ZNF180: variants seen among roughly 807,000 people sequenced by gnomAD.
ZNF180 encodes the protein zinc finger protein 180.
A neutral mutation model predicts 11.8 loss-of-function variants in ZNF180; 11 were observed. That is an observed-to-expected ratio of 0.93 (90% CI 0.59 to 1.55). ZNF180 has a LOEUF of 1.55. Among genes scored for constraint, ZNF180 ranks in the 40% most tolerant of loss-of-function variants. The probability of loss-of-function intolerance (pLI) is 0.00; values close to 1 mark genes in which losing one functional copy is unlikely to be tolerated. For missense variants in ZNF180, 773 were observed against 781.7 expected (o/e 0.99, Z 0.13); for synonymous variants, 287 against 257.7 (o/e 1.11, Z -1.09).
intron 2 of ZNF180, chr19:44,484,736 C>T (rs1448845625): frequency 4.7e-6 from 2 of 426,236 alleles, no homozygotes; most frequent in Non-Finnish European, 8.6e-6. Context: ...CTAAGGAGCA[C>T]TAAGACGCTA....
chr19:44,488,063 TTG>T (rs1970279364), intron 2 of ZNF180, among the ~76,000 whole-genome samples: 7 of 114,504 alleles, frequency 6.1e-5, no homozygotes, highest in African/African-American at 2.2e-4. Context: ...GCCCTCGCCC[TTG>T]CCCTCTCCCT....
Position 44,476,402 on chromosome 19 carries a change from C to T in ZNF180, c.1998G>A (p.Ter666=), listed in dbSNP as rs1172248904. Residue 666 remains the stop codon, a stop_retained_variant, in exon 5 of 5, where the codon TAG becomes TAA. Transcript: ENST00000592529. Reference sequence around the variant, plus strand: ...GAAGAAATCCCAGCTGATTTACAAACTAGTTACATTCATAGAGTTTCTCTT... The same window carrying T: ...GAAGAAATCCCAGCTGATTTACAAATTAGTTACATTCATAGAGTTTCTCTT... ...HTEEKLYECN[*] 6.5e-7 allele frequency: 1 copy of T among 1,548,150 alleles called. No individual in the cohort carries two copies. Among genetic ancestry groups the T allele is most frequent in the African/African-American group, 1.4e-5 (1 of 72,146 alleles).
At chr19:44,496,865 A>G (rs1444364518) in intron 2 of ZNF180, among the ~76,000 whole-genome samples, 2 of 152,186 alleles carry the variant, frequency 1.3e-5, no homozygotes, top group African/African-American at 4.8e-5. Context: ...TTTACTTAAC[A>G]TAGGTAATAA....
At chr19:44,497,263 A>C in intron 2 of ZNF180, 21 bp downstream of exon 2, 1 of 1,547,432 alleles carries the variant, frequency 6.5e-7, no homozygotes, top group African/African-American at 1.4e-5. Context: ...AGACAGACCC[A>C]AGCTCTGGGT....
In ZNF180 at chr19:44,495,753, G is replaced by A. The variant is rs2571113; in HGVS notation, c.51+1531C>T. 0.29 allele frequency among the ~76,000 whole-genome samples: 44,754 copies of A among 151,820 alleles called. 7,800 individuals carry two copies. Among genetic ancestry groups the A allele is most frequent in the South Asian group, 0.4 (1,928 of 4,816 alleles). ...ATTGGGCTGCACCACGTGCACAAGC[G>A]ACTTCTTCATTCCACTTGGGCTCTG... On this transcript the variant is annotated intron_variant, in intron 2 of 4. Coordinates refer to ENST00000592529, the MANE Select transcript of ZNF180 (RefSeq NM_001278509.3). This position sits in a 1 kb window ranked among gnomAD's most constrained non-coding sequence, Gnocchi z 4.5.
chr19:44,476,890 T>G lies in ZNF180; in HGVS notation c.1510A>C (p.Ser504Arg). ...TGTGCAACAAGCTGAGAGCTCCAGCTGAAGGATTTCCCACACTGATTACAT... is the reference window on the plus strand; with the variant it reads ...TGTGCAACAAGCTGAGAGCTCCAGCGGAAGGATTTCCCACACTGATTACAT... ...FECNQCGKSF[S>R]WSSQLVAHQR... Residue 504 changes from serine to arginine, a missense_variant, in exon 5 of 5, where the codon AGC (serine) becomes CGC (arginine). Transcript: ENST00000592529. The G allele has an allele frequency of 6.2e-7, 1 of 1,614,224 alleles. No homozygotes were observed. Among genetic ancestry groups the G allele is most frequent in the Admixed American group, 1.7e-5 (1 of 60,030 alleles).
At position 44,484,411 on chromosome 19, in the gene ZNF180, T is replaced by C. The variant is rs1568428402; in HGVS notation, c.76A>G (p.Ile26Val). The C allele has an allele frequency of 1.2e-6, 2 of 1,613,962 alleles. No individual in the cohort carries two copies. Among genetic ancestry groups the C allele is most frequent in the African/African-American group, 1.3e-5 (1 of 74,920 alleles). ...AQDSFLPQEI[I>V]IKVEGEDTGS... ...GTGTCTTCTCCCTCGACTTTGATGA[T>C]AATCTCTTGAGGAAGGAAAGAATCC... is the stretch of plus-strand genomic sequence containing the variant. Residue 26 changes from isoleucine to valine, a missense_variant, in exon 3 of 5, where the codon ATC (isoleucine) becomes GTC (valine). By Grantham distance (29) the Ile-to-Val change is conservative. Coordinates refer to ENST00000592529, the MANE Select transcript of ZNF180 (RefSeq NM_001278509.3).
At chr19:44,488,306 T>TCCCTCTCTTTCCACG (rs1371838631) in intron 2 of ZNF180, among the ~76,000 whole-genome samples, 2 of 151,350 alleles carry the variant, frequency 1.3e-5, no homozygotes, top group African/African-American at 2.4e-5. Flanking sequence ...GGTCTCCCTC[T>TCCCTCTCTTTCCACG]GATGCCGAGC....
chr19:44,494,448 T>C (rs551251347), intron 2 of ZNF180, among the ~76,000 whole-genome samples: 2 of 152,278 alleles, frequency 1.3e-5, no homozygotes, highest in Non-Finnish European at 2.9e-5. Context: ...GAGGATGGCA[T>C]GATCCCAGGA....
chr19:44,497,372 G>A lies in ZNF180; in HGVS notation c.-38C>T, dbSNP rs766204944. The A allele has an allele frequency of 3.1e-6, 5 of 1,593,604 alleles. No individual in the cohort carries two copies. Among genetic ancestry groups the A allele is most frequent in the South Asian group, 2.3e-5 (2 of 88,722 alleles). ...GCACAGCAGGGTGCTGAGGTCCTGA[G>A]CTGCACTGAGAGAAGCCCCAAGTAC... is the stretch of plus-strand genomic sequence containing the variant. On this transcript the variant is annotated 5_prime_UTR_variant, in exon 2 of 5. Transcript: ENST00000592529.
In ZNF180 at chr19:44,479,437, G is replaced by A. The variant is rs143042163; in HGVS notation, c.127-28C>T. The A allele has an allele frequency of 1.0e-4, 168 of 1,611,432 alleles. No homozygotes were observed. The African/African-American group carries it at 2.1e-3, about 20-fold the overall frequency. On this transcript the variant is annotated intron_variant, in intron 3 of 4. Transcript: ENST00000592529. Reference sequence around the variant, plus strand: ...AAAAAAGGACACACATTCCTGCTCAGCTGGGCATCATTTCCTTCCAAAGTT... The same window carrying A: ...AAAAAAGGACACACATTCCTGCTCAACTGGGCATCATTTCCTTCCAAAGTT...
At chr19:44,487,553 G>A (rs1970261496) in intron 2 of ZNF180, among the ~76,000 whole-genome samples, 1 of 152,132 alleles carries the variant, frequency 6.6e-6, no homozygotes, top group African/African-American at 2.4e-5. Flanking sequence ...AAAAGGAGAG[G>A]AACCCTCAGT....
rs528112634 is a variant in ZNF180 at position 44,484,656 on chromosome 19, A to G, written c.52-221T>C. The G allele has an allele frequency of 1.2e-5, 7 of 568,650 alleles. No homozygotes were observed. The East Asian group carries it at 2.1e-4, about 17-fold the overall frequency. 35.2% of individuals were successfully genotyped at this position (568,650 alleles called of 1,614,324 possible). ...CACCAAGGCCCACAGATACCTGGAC[A>G]TGAGGTCTTTTTGGGTCTTCTGGGC... On this transcript the variant is annotated intron_variant, in intron 2 of 4. Transcript: ENST00000592529.
At chr19:44,497,625 C>T (rs151133989) in intron 1 of ZNF180, among the ~76,000 whole-genome samples, 97 of 152,244 alleles carry the variant, frequency 6.4e-4, no homozygotes, top group South Asian at 8.3e-4. Flanking sequence ...GGACCATCTA[C>T]CTGTAAGCCC....
intron 3 of ZNF180, among the ~76,000 whole-genome samples, chr19:44,482,054 C>G (rs1042403058): frequency 1.2e-4 from 18 of 152,244 alleles, no homozygotes; most frequent in African/African-American, 4.1e-4. Context: ...GCCTATAATC[C>G]CAGCACTTTG....
chr19:44,499,288 G>C (rs1004948870), intron 1 of ZNF180, among the ~76,000 whole-genome samples: 1 of 152,128 alleles, frequency 6.6e-6, no homozygotes, highest in Non-Finnish European at 1.5e-5. Context: ...AGCTCTTCCC[G>C]GGACCAAATC....
At chr19:44,499,329 T>A (rs116500375) in intron 1 of ZNF180, among the ~76,000 whole-genome samples, 1,983 of 152,270 alleles carry the variant, frequency 0.013, 24 homozygotes, top group African/African-American at 0.046. Context: ...TCTACTAACC[T>A]GCACATTCTC....
At position 44,476,283 on chromosome 19, in the gene ZNF180, C is replaced by A; in HGVS notation, c.*119G>T. 1.0e-6 allele frequency: 1 copy of A among 988,154 alleles called. No individual in the cohort carries two copies. The highest frequency in any genetic ancestry group is 1.4e-6 in the Non-Finnish European group (1 of 705,490). The allele number at this position is 988,154 out of a possible 1,614,324, so 61.2% of individuals were successfully genotyped here. On this transcript the variant is annotated 3_prime_UTR_variant, in exon 5 of 5. Coordinates refer to ENST00000592529, the MANE Select transcript of ZNF180 (RefSeq NM_001278509.3). ...TTTGAGACACACAATTAACAGAGGG[C>A]TGGAAGTTTTCCCACATATATTGTT...
intron 1 of ZNF180, among the ~76,000 whole-genome samples, chr19:44,499,667 G>A (rs1970687465): frequency 6.6e-6 from 1 of 152,104 alleles, no homozygotes; most frequent in African/African-American, 2.4e-5. Flanking sequence ...TGCTGCCCAT[G>A]GGTAATTCCC....
Sources: gnomAD v4.1 joint callset for allele counts (sites outside exome capture counted in the v4.1 genomes callset) on GRCh38, gnomAD v4.1.1 for gene constraint, Gnocchi (gnomAD v3.1) non-coding constraint, MANE v1.5 for transcripts, NCBI Gene and HGNC (gene_info 2026-07-23, HGNC 2026-07-21) for gene names.